The following DDR2 variants were observed in gnomAD, a reference collection of about 807,000 sequenced individuals.
DDR2 encodes the protein discoidin domain receptor tyrosine kinase 2, also known as discoidin domain-containing receptor 2.
In DDR2, 27 loss-of-function variants were observed where a neutral mutation model predicts 94.9. The ratio of observed to expected loss-of-function variants is 0.28; its 90% CI spans 0.21 to 0.39. The LOEUF (loss-of-function observed/expected upper bound fraction) is 0.39, where lower values mean the gene tolerates loss of function less well. DDR2 is among the 10% of genes least tolerant of loss of function. The pLI, the probability that DDR2 is intolerant of heterozygous loss-of-function variation, is 1.00. For missense variants in DDR2, 783 were observed against 1,076.0 expected (o/e 0.73, Z 3.81); for synonymous variants, 382 against 377.2 (o/e 1.01, Z -0.15).
intron 1 of DDR2, among the ~76,000 whole-genome samples, chr1:162,651,498 C>T (rs893790033): frequency 2.0e-5 from 3 of 152,166 alleles, no homozygotes; most frequent in Admixed American, 6.5e-5. Context: ...TTGATTTCTC[C>T]TTCTTTTAGC....
intron 3 of DDR2, among the ~76,000 whole-genome samples, chr1:162,751,070 A>C (rs1488047404): frequency 2.0e-5 from 3 of 152,122 alleles, no homozygotes; most frequent in East Asian, 1.9e-4. Context: ...CAATACCATT[A>C]AGGACATAGG....
At chr1:162,639,410 G>C (rs1395082286) in intron 1 of DDR2, among the ~76,000 whole-genome samples, 1 of 152,230 alleles carries the variant, frequency 6.6e-6, no homozygotes, top group African/African-American at 2.4e-5. Context: ...TCAACAAATG[G>C]TGCTGGAACA....
intron 3 of DDR2, among the ~76,000 whole-genome samples, chr1:162,742,188 A>C (rs1160409271): frequency 6.6e-6 from 1 of 152,256 alleles, no homozygotes. Flanking sequence ...AGGCAAAGTG[A>C]TATTACATTC....
At chr1:162,665,616 C>T (rs574750951) in intron 2 of DDR2, among the ~76,000 whole-genome samples, 30 of 150,604 alleles carry the variant, frequency 2.0e-4, no homozygotes, top group Non-Finnish European at 4.1e-4. Flanking sequence ...AAAACTATGG[C>T]ACATGTCAAT....
chr1:162,758,760 A>T (rs1157058421), intron 7 of DDR2, among the ~76,000 whole-genome samples: 3 of 152,198 alleles, frequency 2.0e-5, no homozygotes, highest in Admixed American at 6.5e-5. Flanking sequence ...CAAATTTTAC[A>T]TATTATTGAT....
In DDR2 at chr1:162,745,583, T is replaced by G. The variant is rs188321901; in HGVS notation, c.83-7512T>G. On this transcript the variant is annotated intron_variant, in intron 3 of 17. Transcript: ENST00000367921. ...CCAACACCATTTATTAATGAGATTTTTTTTTTTGCCCATTGTTTATTTTTG... is the reference window on the plus strand; with the variant it reads ...CCAACACCATTTATTAATGAGATTTGTTTTTTTGCCCATTGTTTATTTTTG... Among the ~76,000 whole-genome samples, 319 of 152,294 alleles carry G rather than the reference T, an allele frequency of 2.1e-3. 4 individuals are homozygous for G. The South Asian group carries it at 0.023, about 11-fold the overall frequency.
chr1:162,677,515 G>A (rs1659193015), intron 2 of DDR2, among the ~76,000 whole-genome samples: 1 of 152,120 alleles, frequency 6.6e-6, no homozygotes, highest in Non-Finnish European at 1.5e-5. Context: ...TTTCATTGTC[G>A]TGGATAACCC....
intron 11 of DDR2, among the ~76,000 whole-genome samples, chr1:162,769,079 T>A (rs960997875): frequency 2.6e-5 from 4 of 152,222 alleles, no homozygotes. Context: ...TGAGCTCTTT[T>A]TCTCTTTATT....
rs1163871870 is a variant in DDR2, at chr1:162,787,141, A to G, written c.*6895A>G. On this transcript the variant is annotated 3_prime_UTR_variant, in exon 18 of 18. Transcript: ENST00000367921. ...CAGAATATGTGAGTTTTCTGAGCAC[A>G]TTTTTCAGCATGGGGTATGGTAGAT... is the stretch of plus-strand genomic sequence containing the variant. 1 of 152,064 alleles carries G rather than the reference A, an allele frequency of 6.6e-6. No individual in the cohort carries two copies. Among genetic ancestry groups the G allele is most frequent in the Non-Finnish European group, 1.5e-5 (1 of 68,022 alleles). The allele number at this position is 152,064 out of a possible 1,614,324, so 9.4% of individuals were successfully genotyped here. A position where few individuals can be genotyped will look rare whatever the true frequency, so the allele number is the denominator to read the frequency against.
chr1:162,679,647 G>A (rs1331378775), intron 2 of DDR2, among the ~76,000 whole-genome samples: 8 of 152,046 alleles, frequency 5.3e-5, no homozygotes, highest in African/African-American at 1.9e-4. Flanking sequence ...TAGCCCTTTG[G>A]GTATATACCC....
At chr1:162,732,131 T>C (rs1464797657) in intron 3 of DDR2, among the ~76,000 whole-genome samples, 1 of 152,234 alleles carries the variant, frequency 6.6e-6, no homozygotes, top group African/African-American at 2.4e-5. Flanking sequence ...TATTTTGGGC[T>C]TCCAGGAAAA....
chr1:162,760,649 T>C (rs766176758), intron 8 of DDR2, among the ~76,000 whole-genome samples: 3 of 151,846 alleles, frequency 2.0e-5, no homozygotes, highest in Admixed American at 1.3e-4. Flanking sequence ...TGCAGTCTTC[T>C]GAATTTTTCC....
At chr1:162,673,134 T>C (rs986913026) in intron 2 of DDR2, among the ~76,000 whole-genome samples, 8 of 152,342 alleles carry the variant, frequency 5.3e-5, no homozygotes, top group Non-Finnish European at 8.8e-5. Context: ...AGCTCAAATG[T>C]ACTTCCAAAT....
At chr1:162,701,423 C>T (rs1353324438) in intron 2 of DDR2, among the ~76,000 whole-genome samples, 2 of 152,240 alleles carry the variant, frequency 1.3e-5, no homozygotes. Flanking sequence ...GCTTACAAGC[C>T]ATATGGCTCT....
At chr1:162,647,099 A>G (rs1311858996) in intron 1 of DDR2, among the ~76,000 whole-genome samples, 2 of 152,218 alleles carry the variant, frequency 1.3e-5, no homozygotes, top group African/African-American at 4.8e-5. Context: ...ATGTTTAAAT[A>G]TCACTTAATA....
intron 2 of DDR2, among the ~76,000 whole-genome samples, chr1:162,677,562 A>C (rs1338499247): frequency 6.6e-6 from 1 of 152,168 alleles, no homozygotes; most frequent in East Asian, 1.9e-4. Flanking sequence ...CCTCTCTTAC[A>C]TGAATAGGTG....
chr1:162,702,659 C>A (rs1660483273), intron 2 of DDR2, among the ~76,000 whole-genome samples: 1 of 152,150 alleles, frequency 6.6e-6, no homozygotes, highest in African/African-American at 2.4e-5. Context: ...TTATTGTCTA[C>A]CATAGGATCT....
At position 162,759,945 on chromosome 1, in the gene DDR2, A is replaced by G. The variant is rs1208195954; in HGVS notation, c.821A>G (p.Glu274Gly). The G allele has an allele frequency of 1.2e-6, 2 of 1,614,070 alleles. No individual in the cohort carries two copies. Among genetic ancestry groups the G allele is most frequent in the East Asian group, 2.2e-5 (1 of 44,880 alleles). ...ATNGYIEIMF[E>G]FDRIRNFTTM... Reference sequence around the variant, plus strand: ...AATGGCTACATTGAGATCATGTTTGAATTTGACCGCATCAGGAATTTCACT... The same window carrying G: ...AATGGCTACATTGAGATCATGTTTGGATTTGACCGCATCAGGAATTTCACT... The change falls in exon 8 of 18, where the codon GAA (glutamate) becomes GGA (glycine). Residue 274 changes from glutamate (E) to glycine (G), a missense_variant. Glu to Gly is a moderately conservative substitution (Grantham distance 98). Coordinates refer to ENST00000367921, the MANE Select transcript of DDR2 (RefSeq NM_006182.4).
At chr1:162,693,051 C>T (rs6693135) in intron 2 of DDR2, among the ~76,000 whole-genome samples, 1,750 of 151,992 alleles carry the variant, frequency 0.012, 67 homozygotes, top group East Asian at 0.089. Context: ...TAATTTTGAG[C>T]GAAAGGGGCC....
Sources: gnomAD v4.1 joint callset for allele counts (sites outside exome capture counted in the v4.1 genomes callset) on GRCh38, gnomAD v4.1.1 for gene constraint, MANE v1.5 for transcripts, NCBI Gene and HGNC (gene_info 2026-07-23, HGNC 2026-07-21) for gene names.